HIVEP3: variants seen among roughly 807,000 people sequenced by gnomAD.
The protein encoded by HIVEP3 is HIVEP zinc finger 3.
In HIVEP3, 49 loss-of-function variants were observed where a neutral mutation model predicts 152.8. The ratio of observed to expected loss-of-function variants is 0.32; its 90% CI spans 0.26 to 0.41. The LOEUF (loss-of-function observed/expected upper bound fraction) is 0.41, where lower values mean the gene tolerates loss of function less well. HIVEP3 is among the 10% of genes least tolerant of loss of function. The pLI, the probability that HIVEP3 is intolerant of heterozygous loss-of-function variation, is 1.00. For missense variants in HIVEP3, 2,790 were observed against 3,103.3 expected, an observed-to-expected ratio of 0.90 and a Z score of 2.40; for synonymous variants, 1,269 against 1,289.0, an observed-to-expected ratio of 0.98 and a Z score of 0.33.
At position 41,868,787 on chromosome 1, in the gene HIVEP3, T is replaced by G. The variant is rs143548165; in HGVS notation, c.-801+49626A>C. ...GTCTGATTCTGGACATGGTACCAAG[T>G]ACACTAGGCCTTAGCTTTACCATCT... On this transcript the variant is annotated intron_variant, in intron 1 of 8. Coordinates refer to ENST00000372583, the MANE Select transcript of HIVEP3 (RefSeq NM_024503.5). Among the ~76,000 whole-genome samples the G allele has an allele frequency of 2.5e-3, 388 of 152,364 alleles. 2 individuals carry two copies. Among genetic ancestry groups the G allele is most frequent in the African/African-American group, 8.8e-3 (364 of 41,586 alleles).
chr1:41,856,731 C>A (rs1338425426), intron 1 of HIVEP3, among the ~76,000 whole-genome samples: 2 of 152,000 alleles, frequency 1.3e-5, no homozygotes, highest in Non-Finnish European at 2.9e-5. Flanking sequence ...CCAGAATTCT[C>A]CCCATCTCTA....
intron 3 of HIVEP3, among the ~76,000 whole-genome samples, chr1:41,603,313 C>A (rs1213060047): frequency 1.3e-5 from 2 of 151,908 alleles, no homozygotes; most frequent in Admixed American, 6.6e-5. Context: ...GGTGATCCAC[C>A]CACCTCGGCC....
intron 1 of HIVEP3, among the ~76,000 whole-genome samples, chr1:41,728,657 G>C (rs1646793231): frequency 6.6e-6 from 1 of 152,200 alleles, no homozygotes; most frequent in East Asian, 1.9e-4. Flanking sequence ...ATGCCACTGG[G>C]GATGCTACAG....
At chr1:41,881,553 G>T (rs1201237204) in intron 1 of HIVEP3, among the ~76,000 whole-genome samples, 3 of 152,090 alleles carry the variant, frequency 2.0e-5, no homozygotes, top group African/African-American at 7.2e-5. Context: ...GAAAAAAATT[G>T]CCAAAATGTT....
At chr1:41,734,328 C>G (rs770447425) in intron 1 of HIVEP3, among the ~76,000 whole-genome samples, 24 of 152,230 alleles carry the variant, frequency 1.6e-4, no homozygotes, top group Non-Finnish European at 3.2e-4. Context: ...ACCTTCTGCA[C>G]AGGTTAACTA....
chr1:41,752,645 TG>T (rs141545722), intron 1 of HIVEP3, among the ~76,000 whole-genome samples: 3,025 of 152,310 alleles, frequency 0.02, 89 homozygotes, highest in African/African-American at 0.067. Context: ...TGCAAATCCC[TG>T]GGCCTGTCCC....
rs114558552 is a variant in HIVEP3, at chr1:41,839,459, G to C, written c.-801+78954C>G. On this transcript the variant is annotated intron_variant, in intron 1 of 8. Transcript: ENST00000372583. ...GACTCTGCAGCAGCAACTGGTCTCAGCTCAAGCATCACTTCCTCCAGGAAG... is the reference window on the plus strand; with the variant it reads ...GACTCTGCAGCAGCAACTGGTCTCACCTCAAGCATCACTTCCTCCAGGAAG... 3.5e-3 allele frequency among the ~76,000 whole-genome samples: 529 copies of C among 152,334 alleles called. 1 individual carries two copies. Among genetic ancestry groups the C allele is most frequent in the African/African-American group, 0.012 (505 of 41,576 alleles).
chr1:41,988,087 T>C (rs541764860), intron 1 of HIVEP3, among the ~76,000 whole-genome samples: 19 of 152,014 alleles, frequency 1.2e-4, no homozygotes, highest in African/African-American at 4.6e-4. Flanking sequence ...AAAAATCAAG[T>C]CAAAATGGAT....
intron 2 of HIVEP3, among the ~76,000 whole-genome samples, chr1:41,667,028 G>GC (rs1481410758): frequency 6.6e-6 from 1 of 152,156 alleles, no homozygotes; most frequent in African/African-American, 2.4e-5. Flanking sequence ...CAGCTCAGAG[G>GC]CCACTTCCCT....
intron 1 of HIVEP3, among the ~76,000 whole-genome samples, chr1:41,734,309 G>A (rs565236094): frequency 3.4e-4 from 52 of 152,322 alleles, no homozygotes; most frequent in African/African-American, 7.2e-4. Flanking sequence ...TCTGAAAAAC[G>A]GAGCAGACAC....
intron 1 of HIVEP3, among the ~76,000 whole-genome samples, chr1:42,029,937 C>T (rs1347054328): frequency 2.0e-5 from 3 of 152,352 alleles, no homozygotes; most frequent in African/African-American, 7.2e-5. Context: ...TCAGCTACAA[C>T]GCTGTTTCCA....
intron 1 of HIVEP3, among the ~76,000 whole-genome samples, chr1:41,970,829 A>G (rs1055776108): frequency 6.6e-6 from 1 of 152,146 alleles, no homozygotes; most frequent in African/African-American, 2.4e-5. Context: ...TGAACATTGG[A>G]GCAACCCTGC....
intron 5 of HIVEP3, among the ~76,000 whole-genome samples, chr1:41,528,865 C>T (rs540667636): frequency 1.8e-4 from 26 of 141,736 alleles, no homozygotes; most frequent in African/African-American, 6.9e-4. Flanking sequence ...CACCTTCACA[C>T]ACTCCACACT....
intron 1 of HIVEP3, among the ~76,000 whole-genome samples, chr1:41,990,698 A>AT (rs1347234119): frequency 6.6e-6 from 1 of 151,440 alleles, no homozygotes; most frequent in Non-Finnish European, 1.5e-5. Flanking sequence ...CAGAATATAT[A>AT]TTTTTTTCAG....
intron 1 of HIVEP3, among the ~76,000 whole-genome samples, chr1:41,897,015 G>A (rs918713720): frequency 6.6e-6 from 1 of 152,174 alleles, no homozygotes; most frequent in Admixed American, 6.5e-5. Flanking sequence ...ATGATTCAAT[G>A]GCGCTTGCTA....
chr1:41,847,010 T>C (rs1244105133), intron 1 of HIVEP3, among the ~76,000 whole-genome samples: 1 of 152,214 alleles, frequency 6.6e-6, no homozygotes, highest in Non-Finnish European at 1.5e-5. Flanking sequence ...CACCCAAGTG[T>C]GGCTATATAA....
intron 1 of HIVEP3, among the ~76,000 whole-genome samples, chr1:41,853,741 G>A (rs918752531): frequency 6.6e-6 from 1 of 152,134 alleles, no homozygotes; most frequent in African/African-American, 2.4e-5. Flanking sequence ...GAGTGAAGAG[G>A]GTACCCAGAA....
chr1:41,619,975 G>A (rs1266706619), intron 3 of HIVEP3, among the ~76,000 whole-genome samples: 1 of 152,200 alleles, frequency 6.6e-6, no homozygotes, highest in East Asian at 1.9e-4. Context: ...CATGTTTCAA[G>A]CTCTCTAGTG....
intron 1 of HIVEP3, among the ~76,000 whole-genome samples, chr1:41,991,758 T>C (rs1645363110): frequency 6.8e-6 from 1 of 147,320 alleles, no homozygotes; most frequent in Non-Finnish European, 1.5e-5. Flanking sequence ...AATAAAATAC[T>C]GGCAAAACGA....
Sources: gnomAD v4.1 joint callset for allele counts (sites outside exome capture counted in the v4.1 genomes callset) on GRCh38, gnomAD v4.1.1 for gene constraint, MANE v1.5 for transcripts, NCBI Gene and HGNC (gene_info 2026-07-23, HGNC 2026-07-21) for gene names.